Variants in SLC6A12 observed in about 807,000 individuals in gnomAD.
SLC6A12 encodes sodium- and chloride-dependent betaine transporter.
In SLC6A12, 50 loss-of-function variants were observed where a neutral mutation model predicts 73.3. The observed-to-expected ratio is 0.68, with a 90% CI of 0.54 to 0.86. The LOEUF (loss-of-function observed/expected upper bound fraction) is 0.86, where lower values mean the gene tolerates loss of function less well. SLC6A12 is among the 40% of genes least tolerant of loss of function. SLC6A12 has a pLI of 0.00. For missense variants in SLC6A12, 648 were observed against 772.8 expected (o/e 0.84, Z 1.92); for synonymous variants, 304 against 309.2 (o/e 0.98, Z 0.18).
downstream of SLC6A12, among the ~76,000 whole-genome samples, chr12:187,220 T>C (rs1307716084): frequency 6.6e-6 from 1 of 152,138 alleles, no homozygotes; most frequent in Non-Finnish European, 1.5e-5. Context: ...GAGATGAAAG[T>C]GTGCCCAGAG....
chr12:208,396 C>T lies in SLC6A12; in HGVS notation c.214+1377G>A, dbSNP rs977051319. On this transcript the variant is annotated intron_variant, in intron 3 of 15. Transcript: ENST00000684302. ...AAGGTTTAAAACACATAGCAAGATA[C>T]ACAGTAGACCCTCCGTAAATATTGG... Among the ~76,000 whole-genome samples, 4 of 152,190 alleles carry T rather than the reference C, an allele frequency of 2.6e-5. No individual in the cohort carries two copies. In the South Asian group the frequency reaches 8.3e-4, roughly 32 times the overall value.
chr12:201,431 T>G (rs1940258421), intron 6 of SLC6A12: 3 of 276,344 alleles, frequency 1.1e-5, no homozygotes, highest in Non-Finnish European at 2.1e-5. Context: ...AGCATGGCAG[T>G]GGGAAGAGAC....
chr12:189,037 G>A (rs1939496791), downstream of SLC6A12, among the ~76,000 whole-genome samples: 1 of 152,258 alleles, frequency 6.6e-6, no homozygotes. Flanking sequence ...TTGGTGCAGG[G>A]CGAAGGAATC....
At chr12:206,291 A>G (rs1940638916) in intron 3 of SLC6A12, among the ~76,000 whole-genome samples, 1 of 151,820 alleles carries the variant, frequency 6.6e-6, no homozygotes, top group South Asian at 2.1e-4. Context: ...GTTTCTATGC[A>G]TTTGCCTATT....
chr12:200,226 A>T (rs1008882774), intron 7 of SLC6A12, among the ~76,000 whole-genome samples: 1 of 146,022 alleles, frequency 6.8e-6, no homozygotes, highest in Non-Finnish European at 1.5e-5. Flanking sequence ...CTCCTGCCTC[A>T]GCCTCCTGCA....
At chr12:197,134 C>T (rs113148069) in intron 10 of SLC6A12, among the ~76,000 whole-genome samples, 1,420 of 100,886 alleles carry the variant, frequency 0.014, 2 homozygotes, top group African/African-American at 0.024. Flanking sequence ...TCCATCCATC[C>T]ATCCATCCAT....
chr12:204,705 AAGAG>A lies in SLC6A12; in HGVS notation c.215-11_215-8del, dbSNP rs749988385. ...TAGGGGATGAAGAAGGCTCCTGCAG[AAGAG>A]AGAGAGGCAGGGCTGAGCCACACCC... On this transcript the variant is annotated splice_polypyrimidine_tract_variant and splice_region_variant and intron_variant, in intron 3 of 15. Transcript: ENST00000684302. 1.2e-6 allele frequency: 2 copies of A among 1,613,690 alleles called. No homozygotes were observed. Among genetic ancestry groups the A allele is most frequent in the African/African-American group, 2.7e-5 (2 of 74,870 alleles).
At chr12:202,037 C>T (rs990684448) in intron 5 of SLC6A12, among the ~76,000 whole-genome samples, 188 bp from the exon 6 acceptor site, 1 of 152,206 alleles carries the variant, frequency 6.6e-6, no homozygotes, top group African/African-American at 2.4e-5. Context: ...CTCTTGTTCC[C>T]TGTGAATCTG....
intron 14 of SLC6A12, among the ~76,000 whole-genome samples, 185 bp from the exon 15 acceptor site, chr12:192,833 CG>C (rs1939668061): frequency 2.0e-5 from 3 of 147,612 alleles, no homozygotes; most frequent in Admixed American, 6.8e-5. Context: ...AGACAGGAGG[CG>C]ATACAAAGGA....
chr12:185,708 G>A (rs754801421), downstream of SLC6A12, among the ~76,000 whole-genome samples: 4 of 152,160 alleles, frequency 2.6e-5, no homozygotes, highest in Admixed American at 6.5e-5. Context: ...TCCCAGTCAC[G>A]TGCCAGCAGG....
At chr12:204,812 C>T (rs1940544658) in intron 3 of SLC6A12, 114 bp from the exon 4 acceptor site, 1 of 1,211,604 alleles carries the variant, frequency 8.3e-7, no homozygotes, top group South Asian at 1.4e-5. Flanking sequence ...TTCTTAATCT[C>T]CCTCCTGACA....
At chr12:188,306 C>T (rs1745678860), downstream of SLC6A12, among the ~76,000 whole-genome samples, 2 of 152,204 alleles carry the variant, frequency 1.3e-5, no homozygotes, top group African/African-American at 4.8e-5. Context: ...AGCACAGCAG[C>T]TGCTGGCCCA....
chr12:194,589 A>G (rs1478239204), intron 13 of SLC6A12, among the ~76,000 whole-genome samples: 1 of 152,218 alleles, frequency 6.6e-6, no homozygotes, highest in African/African-American at 2.4e-5. Context: ...CCAGCCTGGC[A>G]CGCAGTCATG....
rs771276776 is a variant in SLC6A12 at position 198,799 on chromosome 12, G to T, written c.844C>A (p.Gln282Lys). ...AGTGGTCCCAGCACGGTACATACCT[G>T]AGGGTCCTTGAGGCGGAACAAATCT... is the stretch of plus-strand genomic sequence containing the variant. ...KPDLFRLKDP[Q>K]VWMDAGTQIF... The change falls in exon 8 of 16, where the codon CAG (glutamine) becomes AAG (lysine). Residue 282 changes from glutamine to lysine, a missense_variant and splice_region_variant. By Grantham distance (53) the Gln-to-Lys change is moderately conservative. Coordinates refer to ENST00000684302, the MANE Select transcript of SLC6A12 (RefSeq NM_001122848.3). This position sits in a 1 kb window ranked among gnomAD's most constrained non-coding sequence, Gnocchi z 4.0. 6.2e-7 allele frequency: 1 copy of T among 1,614,206 alleles called. No individual in the cohort carries two copies.
intron 7 of SLC6A12, 119 bp downstream of exon 7, chr12:200,532 C>CTCACTAGGCAT: frequency 8.9e-7 from 1 of 1,129,504 alleles, no homozygotes; most frequent in Non-Finnish European, 1.3e-6. Context: ...TCTCCCCTGC[C>CTCACTAGGCAT]CTGCTCAGGA....
chr12:201,052 G>A (rs1940234965), intron 6 of SLC6A12, among the ~76,000 whole-genome samples: 2 of 152,198 alleles, frequency 1.3e-5, no homozygotes, highest in African/African-American at 4.8e-5. Context: ...ATGTATAAAT[G>A]AGCGTTTAGA....
chr12:185,951 T>G (rs1378190502), downstream of SLC6A12, among the ~76,000 whole-genome samples: 2 of 152,238 alleles, frequency 1.3e-5, no homozygotes, highest in Admixed American at 6.5e-5. Flanking sequence ...CAGCCCTTGT[T>G]ACTTCACTGA....
At chr12:192,720 C>A in intron 14 of SLC6A12, 72 bp from the exon 15 acceptor site, 2 of 1,458,384 alleles carry the variant, frequency 1.4e-6, no homozygotes, top group Non-Finnish European at 1.9e-6. Context: ...TACGTACAGC[C>A]AAGGACAGAG....
At chr12:204,201 G>T in intron 4 of SLC6A12, 1 of 254,028 alleles carries the variant, frequency 3.9e-6, no homozygotes, top group Admixed American at 4.7e-5. Context: ...TCTGGCGGAG[G>T]CACAGCACCC....
Sources: allele counts gnomAD v4.1 joint callset (sites outside exome capture counted in the v4.1 genomes callset), GRCh38; gene constraint gnomAD v4.1.1; non-coding constraint Gnocchi (gnomAD v3.1); transcripts MANE v1.5; gene names NCBI Gene and HGNC (gene_info 2026-07-23, HGNC 2026-07-21).